Variants in CC2D2B observed in about 807,000 individuals in gnomAD.
CC2D2B encodes the protein coiled-coil and C2 domain containing 2B.
In CC2D2B, 128 loss-of-function variants were observed where a neutral mutation model predicts 161.2. That is an observed-to-expected ratio of 0.79 (90% confidence interval 0.69 to 0.92). The LOEUF (loss-of-function observed/expected upper bound fraction) is 0.92. Ranked by LOEUF, CC2D2B falls within the 40% of genes least tolerant of loss-of-function variation. The pLI is 0.00. For missense variants in CC2D2B, 1,173 were observed against 1,375.1 expected, an observed-to-expected ratio of 0.85 and a Z score of 2.32; for synonymous variants, 391 against 449.8, an observed-to-expected ratio of 0.87 and a Z score of 1.65.
intron 34 of CC2D2B, among the ~76,000 whole-genome samples, chr10:96,031,607 T>G (rs2080070213): frequency 6.6e-6 from 1 of 152,216 alleles, no homozygotes; most frequent in South Asian, 2.1e-4. Context: ...AAGTAAGGAT[T>G]ATAGTAATAC....
intron 16 of CC2D2B, 150 bp downstream of exon 16, chr10:95,972,366 G>T: frequency 1.8e-6 from 1 of 550,044 alleles, no homozygotes. Flanking sequence ...ATCTCACCCA[G>T]GATGAAGTGC....
chr10:96,002,273 C>T (rs888401508), intron 24 of CC2D2B, among the ~76,000 whole-genome samples: 6 of 152,138 alleles, frequency 3.9e-5, no homozygotes, highest in African/African-American at 1.4e-4. Context: ...CCAGCTACTA[C>T]TTTTTGTTGC....
chr10:96,000,080 C>T, intron 24 of CC2D2B: 1 of 1,485,100 alleles, frequency 6.7e-7, no homozygotes, highest in Non-Finnish European at 9.0e-7. Flanking sequence ...GCCGTGGTAA[C>T]ACCTGTGGGC....
chr10:95,963,787 A>G (rs2076849046), intron 12 of CC2D2B, among the ~76,000 whole-genome samples: 1 of 152,188 alleles, frequency 6.6e-6, no homozygotes, highest in Non-Finnish European at 1.5e-5. Context: ...ATTTCCTGAC[A>G]TGGAGGTTAT....
chr10:96,026,122 C>A (rs1007034208), intron 33 of CC2D2B, among the ~76,000 whole-genome samples: 3 of 152,128 alleles, frequency 2.0e-5, no homozygotes, highest in African/African-American at 4.8e-5. Flanking sequence ...GCTATTGAGA[C>A]CCTCTACAAA....
chr10:96,005,920 A>G (rs544787052), intron 25 of CC2D2B, among the ~76,000 whole-genome samples: 1 of 152,274 alleles, frequency 6.6e-6, no homozygotes, highest in East Asian at 1.9e-4. Context: ...AAAATGTATT[A>G]GCATATAAAT....
intron 12 of CC2D2B, among the ~76,000 whole-genome samples, chr10:95,965,153 T>C (rs1340573494): frequency 6.6e-6 from 1 of 152,114 alleles, no homozygotes; most frequent in Non-Finnish European, 1.5e-5. Context: ...CAAAACCTTA[T>C]ACTGAAAACA....
intron 25 of CC2D2B, among the ~76,000 whole-genome samples, chr10:96,004,677 G>A (rs1032135131): frequency 6.6e-4 from 100 of 152,256 alleles, no homozygotes; most frequent in African/African-American, 2.2e-3. Context: ...TAAAATTACT[G>A]TCATCCTCAT....
Position 96,004,141 on chromosome 10 carries a change from C to A in CC2D2B, c.2850-11C>A. On this transcript the variant is annotated splice_polypyrimidine_tract_variant and intron_variant, in intron 24 of 34. Coordinates refer to ENST00000646931, the MANE Select transcript of CC2D2B (RefSeq NM_001349008.3). Reference sequence around the variant, plus strand: ...AAATTAAGCATTTGAATATATTTTTCTTATTTGCAGCTCACCAGGACATGA... The same window carrying A: ...AAATTAAGCATTTGAATATATTTTTATTATTTGCAGCTCACCAGGACATGA... The A allele has an allele frequency of 6.8e-7, 1 of 1,472,396 alleles. No homozygotes were observed. The highest frequency in any genetic ancestry group is 9.2e-7 in the Non-Finnish European group (1 of 1,090,454). The allele number at this position is 1,472,396 out of a possible 1,614,324, so 91.2% of individuals were successfully genotyped here. A position where few individuals can be genotyped will look rare whatever the true frequency, so the allele number is the denominator to read the frequency against.
At chr10:96,025,160 T>TATATATATATAAAAAAAAAAA in intron 33 of CC2D2B, among the ~76,000 whole-genome samples, 1 of 6,200 alleles carries the variant, frequency 1.6e-4, no homozygotes, top group African/African-American at 7.1e-4. Flanking sequence ...AAAAAATATA[T>TATATATATATAAAAAAAAAAA]ATATATATAT....
intron 26 of CC2D2B, among the ~76,000 whole-genome samples, chr10:96,010,364 C>T (rs761195781): frequency 1.3e-5 from 2 of 152,120 alleles, no homozygotes; most frequent in Non-Finnish European, 2.9e-5. Context: ...AAAATGCCTA[C>T]ATGACTAGCA....
chr10:95,939,323 T>G (rs534220566), intron 9 of CC2D2B, among the ~76,000 whole-genome samples: 1 of 152,304 alleles, frequency 6.6e-6, no homozygotes, highest in East Asian at 1.9e-4. Context: ...AGCAATAGCT[T>G]GTTCATTTCT....
At chr10:96,020,505 C>T (rs1369345141) in intron 32 of CC2D2B, 1 of 152,216 alleles carries the variant, frequency 6.6e-6, no homozygotes, top group African/African-American at 2.4e-5. Context: ...TTTGGGAAGG[C>T]ACTAGAAATA....
At chr10:96,015,231 A>AT (rs58739011) in intron 29 of CC2D2B, among the ~76,000 whole-genome samples, 3,681 of 111,244 alleles carry the variant, frequency 0.033, 265 homozygotes, top group African/African-American at 0.11. Context: ...GGCCCAGCTA[A>AT]TTTTTTTTTT....
chr10:95,953,486 G>A (rs1402618529), intron 10 of CC2D2B, among the ~76,000 whole-genome samples: 2 of 152,192 alleles, frequency 1.3e-5, no homozygotes, highest in African/African-American at 4.8e-5. Context: ...ACAGGCATGA[G>A]CCACTGAGCT....
At chr10:95,967,509 A>G (rs543109205) in intron 14 of CC2D2B, among the ~76,000 whole-genome samples, 1 of 152,200 alleles carries the variant, frequency 6.6e-6, no homozygotes, top group Non-Finnish European at 1.5e-5. Context: ...TCCAGAAAAG[A>G]ATAATATGTC....
At position 95,947,078 on chromosome 10, in the gene CC2D2B, C is replaced by CAAAAAAAAAAAAAAAA. The variant is rs368168752; in HGVS notation, c.802-2813_802-2812insAAAAAAAAAAAAAAAA. On this transcript the variant is annotated intron_variant, in intron 9 of 34. Transcript: ENST00000646931. ...GTGCATAAATTCCAAATAGTGGACT[C>CAAAAAAAAAAAAAAAA]AAAAATATATATATATATATATATA... 2.6e-3 allele frequency among the ~76,000 whole-genome samples: 133 copies of CAAAAAAAAAAAAAAAA among 51,574 alleles called. 3 individuals carry two copies. The highest frequency in any genetic ancestry group is 0.011 in the Middle Eastern group (1 of 94). 33.8% of individuals were successfully genotyped at this position (51,574 alleles called of 152,430 possible). A position where few individuals can be genotyped will look rare whatever the true frequency, so the allele number is the denominator to read the frequency against.
intron 2 of CC2D2B, 59 bp from the exon 3 acceptor site, chr10:95,921,957 T>A (rs11594853): frequency 1.1e-6 from 1 of 897,354 alleles, no homozygotes; most frequent in Non-Finnish European, 1.7e-6. Flanking sequence ...ATAATAATAA[T>A]AAAAGATGTT....
At chr10:96,018,979 T>G (rs927457805) in intron 30 of CC2D2B, 1 of 355,376 alleles carries the variant, frequency 2.8e-6, no homozygotes, top group Admixed American at 4.4e-5. Flanking sequence ...AAAAAAAAAA[T>G]TTTTTGTGAT....
Sources: allele counts gnomAD v4.1 joint callset (sites outside exome capture counted in the v4.1 genomes callset), GRCh38; gene constraint gnomAD v4.1.1; transcripts MANE v1.5; gene names NCBI Gene and HGNC (gene_info 2026-07-23, HGNC 2026-07-21).